The following CYFIP2 variants were observed in gnomAD, a reference collection of about 807,000 sequenced individuals.
CYFIP2 encodes cytoplasmic FMR1-interacting protein 2.
A neutral mutation model predicts 158.7 loss-of-function variants in CYFIP2; 29 were observed. The observed-to-expected ratio is 0.18, with a 90% CI of 0.14 to 0.25. The LOEUF is 0.25. Among genes scored for constraint, CYFIP2 ranks in the 10% least tolerant of loss-of-function variants. The pLI, the probability that CYFIP2 is intolerant of heterozygous loss-of-function variation, is 1.00. For missense variants in CYFIP2, 852 were observed against 1,639.5 expected, an observed-to-expected ratio of 0.52 and a Z score of 8.29; for synonymous variants, 585 against 617.6, an observed-to-expected ratio of 0.95 and a Z score of 0.78.
intron 6 of CYFIP2, 66 bp from the exon 7 acceptor site, chr5:157,302,728 T>C (rs924597950): frequency 7.5e-7 from 1 of 1,329,026 alleles, no homozygotes; most frequent in Non-Finnish European, 1.0e-6. Context: ...TGCGAGCCCG[T>C]GAGGCATGGT....
intron 28 of CYFIP2, 28 bp from the exon 29 acceptor site, chr5:157,389,161 G>C: frequency 6.3e-7 from 1 of 1,575,782 alleles, no homozygotes; most frequent in Non-Finnish European, 8.7e-7. Context: ...GATGTGGATA[G>C]AAGGTGTATG....
At chr5:157,293,165 C>G (rs1398726617) in intron 3 of CYFIP2, among the ~76,000 whole-genome samples, 1 of 152,140 alleles carries the variant, frequency 6.6e-6, no homozygotes, top group African/African-American at 2.4e-5. Flanking sequence ...ATGCAATTCT[C>G]CTGCCTCAGC....
intron 2 of CYFIP2, among the ~76,000 whole-genome samples, chr5:157,285,974 G>T (rs1757344159): frequency 6.6e-6 from 1 of 152,174 alleles, no homozygotes; most frequent in Admixed American, 6.5e-5. Context: ...GACCTATCAG[G>T]GCCGGGAGTC....
chr5:157,279,682 C>T (rs1478570090), intron 1 of CYFIP2, among the ~76,000 whole-genome samples: 3 of 152,176 alleles, frequency 2.0e-5, no homozygotes, highest in Admixed American at 1.3e-4. Context: ...TCATGAATGC[C>T]CGCCACTGAG....
intron 3 of CYFIP2, 116 bp downstream of exon 3, chr5:157,287,224 G>A (rs1007787398): frequency 1.2e-5 from 9 of 750,456 alleles, no homozygotes; most frequent in Non-Finnish European, 2.0e-5. Context: ...CCCTGCCTCA[G>A]TCAGAATCAT....
At chr5:157,320,196 T>C (rs1257786138) in intron 14 of CYFIP2, among the ~76,000 whole-genome samples, 3 of 152,232 alleles carry the variant, frequency 2.0e-5, no homozygotes, top group Non-Finnish European at 2.9e-5. Context: ...ATTATAATGC[T>C]ACCTGCTGCC....
intron 28 of CYFIP2, among the ~76,000 whole-genome samples, chr5:157,388,413 GT>G (rs1766910406): frequency 6.6e-6 from 1 of 152,184 alleles, no homozygotes; most frequent in Admixed American, 6.5e-5. Context: ...TCATGGGCAA[GT>G]TTTAAAAGTA....
At chr5:157,288,720 A>T (rs1030450577) in intron 3 of CYFIP2, 2 of 439,438 alleles carry the variant, frequency 4.6e-6, no homozygotes, top group Non-Finnish European at 9.1e-6. Context: ...AAAAAATTGC[A>T]TAACTTACTC....
chr5:157,284,449 A>C (rs1204359895), intron 1 of CYFIP2, among the ~76,000 whole-genome samples: 1 of 152,246 alleles, frequency 6.6e-6, no homozygotes, highest in Non-Finnish European at 1.5e-5. Flanking sequence ...TAATAAGTGA[A>C]TGTGACTTGT....
chr5:157,286,552 G>GTATATATATATATATA (rs34826918), intron 2 of CYFIP2, among the ~76,000 whole-genome samples: 20 of 138,124 alleles, frequency 1.4e-4, no homozygotes, highest in African/African-American at 5.4e-4. Flanking sequence ...GCTATTTTAT[G>GTATATATATATATATA]TATATATATA....
At chr5:157,273,727 C>G (rs775266357) in intron 1 of CYFIP2, among the ~76,000 whole-genome samples, 23 of 152,142 alleles carry the variant, frequency 1.5e-4, no homozygotes, top group Non-Finnish European at 1.9e-4. Context: ...TCTTTGTACC[C>G]CTTCTGCTTA....
intron 26 of CYFIP2, among the ~76,000 whole-genome samples, chr5:157,381,857 T>C (rs534364338): frequency 1.4e-3 from 209 of 152,232 alleles, no homozygotes; most frequent in African/African-American, 4.7e-3. Context: ...CAAATGCCCA[T>C]AGTTGAAGAG....
intron 25 of CYFIP2, 60 bp downstream of exon 25, chr5:157,360,432 C>T: frequency 1.4e-6 from 2 of 1,449,696 alleles, no homozygotes; most frequent in South Asian, 2.4e-5. Context: ...CTCTGACCAT[C>T]CACCTTAGAG....
chr5:157,290,712 C>T (rs1757754545), intron 3 of CYFIP2, among the ~76,000 whole-genome samples: 1 of 152,208 alleles, frequency 6.6e-6, no homozygotes, highest in East Asian at 1.9e-4. Flanking sequence ...TCCTGGATAA[C>T]ACCAAAATCT....
chr5:157,384,003 T>G (rs1002550951), intron 28 of CYFIP2, among the ~76,000 whole-genome samples: 54 of 152,140 alleles, frequency 3.5e-4, no homozygotes, highest in African/African-American at 1.3e-3. Context: ...ATAAAACTCT[T>G]CTGAAAATGT....
intron 26 of CYFIP2, among the ~76,000 whole-genome samples, chr5:157,379,178 C>G (rs143493956): frequency 6.6e-6 from 1 of 152,266 alleles, no homozygotes; most frequent in African/African-American, 2.4e-5. Context: ...TCATTTATCT[C>G]TCTCCCTCTC....
chr5:157,284,027 C>T (rs950046522), intron 1 of CYFIP2, among the ~76,000 whole-genome samples: 9 of 152,112 alleles, frequency 5.9e-5, no homozygotes, highest in African/African-American at 1.9e-4. Context: ...CCCTCTTAAT[C>T]GTGTGTTTAG....
At chr5:157,349,444 G>A (rs1581119511) in intron 23 of CYFIP2, among the ~76,000 whole-genome samples, 1 of 152,144 alleles carries the variant, frequency 6.6e-6, no homozygotes, top group East Asian at 1.9e-4. Context: ...TGCAAATGCC[G>A]TTATTTCATT....
At chr5:157,288,949 AATG>A (rs1757610503) in intron 3 of CYFIP2, among the ~76,000 whole-genome samples, 2 of 152,244 alleles carry the variant, frequency 1.3e-5, no homozygotes. Flanking sequence ...GTAGGAGGAT[AATG>A]ATACCTTGTA....
Sources: gnomAD v4.1 joint callset for allele counts (sites outside exome capture counted in the v4.1 genomes callset) on GRCh38, gnomAD v4.1.1 for gene constraint, MANE v1.5 for transcripts, NCBI Gene and HGNC (gene_info 2026-07-23, HGNC 2026-07-21) for gene names.